NTRK1: variants seen among roughly 807,000 people sequenced by gnomAD.
NTRK1 encodes neurotrophic receptor tyrosine kinase 1, also known as high affinity nerve growth factor receptor.
In NTRK1, 62 loss-of-function variants were observed where a neutral mutation model predicts 86.8. That is an observed-to-expected ratio of 0.71 (90% CI 0.58 to 0.88). The LOEUF is 0.88. Among genes scored for constraint, NTRK1 ranks in the 40% least tolerant of loss-of-function variants. NTRK1 has a pLI of 0.00. For missense variants in NTRK1, 967 were observed against 1,078.4 expected, an observed-to-expected ratio of 0.90 and a Z score of 1.45; for synonymous variants, 469 against 456.6, an observed-to-expected ratio of 1.03 and a Z score of -0.35.
At chr1:156,869,331 G>A (rs758958531) in intron 6 of NTRK1, among the ~76,000 whole-genome samples, 20 of 152,036 alleles carry the variant, frequency 1.3e-4, no homozygotes, top group Non-Finnish European at 1.9e-4. Context: ...ACCCACCTCG[G>A]CCTCCCAAAG....
chr1:156,861,218 G>A (rs1428796872), intron 1 of NTRK1, 72 bp downstream of exon 1: 5 of 1,492,878 alleles, frequency 3.3e-6, no homozygotes, highest in Non-Finnish European at 4.5e-6. Flanking sequence ...GCGCGGACTC[G>A]CTGCTTGTTT....
In NTRK1 at chr1:156,875,805, C is replaced by G. The variant is rs903414132; in HGVS notation, c.1501+139C>G. ...TCCCCAGCCCTATTCCAGCCATAGGCCCTGTCATATTCTTCTCAGGCTGAG... is the reference window on the plus strand; with the variant it reads ...TCCCCAGCCCTATTCCAGCCATAGGGCCTGTCATATTCTTCTCAGGCTGAG... On this transcript the variant is annotated intron_variant, in intron 12 of 16. Coordinates refer to ENST00000524377, the MANE Select transcript of NTRK1 (RefSeq NM_002529.4). The G allele has an allele frequency of 5.4e-6, 7 of 1,304,328 alleles. No homozygotes were observed. The African/African-American group carries it at 1.0e-4, about 19-fold the overall frequency. The allele number at this position is 1,304,328 out of a possible 1,614,324, so 80.8% of individuals were successfully genotyped here. A position where few individuals can be genotyped will look rare whatever the true frequency, so the allele number is the denominator to read the frequency against.
At chr1:156,851,536 T>C (rs1465920133) in intron 2 of NTRK1, 1 of 1,601,992 alleles carries the variant, frequency 6.2e-7, no homozygotes, top group African/African-American at 1.3e-5. Flanking sequence ...CCCTCAGGAC[T>C]GGGACCCAGG....
At chr1:156,853,918 C>T in intron 2 of NTRK1, 1 of 1,614,148 alleles carries the variant, frequency 6.2e-7, no homozygotes, top group Non-Finnish European at 8.5e-7. Context: ...CTGGCTGCAG[C>T]AGTCCCCAGT....
chr1:156,849,694 T>TG (rs1655136722), intron 2 of NTRK1, among the ~76,000 whole-genome samples: 1 of 152,090 alleles, frequency 6.6e-6, no homozygotes, highest in African/African-American at 2.4e-5. Flanking sequence ...ATCAGTGAAA[T>TG]GGGGTCCTCA....
At chr1:156,845,141 T>A (rs1430511555) in intron 2 of NTRK1, 1 of 1,611,996 alleles carries the variant, frequency 6.2e-7, no homozygotes, top group African/African-American at 1.3e-5. Flanking sequence ...CGCCGCGTGG[T>A]TGCAGGCATG....
chr1:156,849,509 G>A (rs746834062), intron 2 of NTRK1: 2 of 1,105,738 alleles, frequency 1.8e-6, no homozygotes, highest in South Asian at 2.5e-5. Flanking sequence ...GGGGCAGGGG[G>A]TGGGAAAGGG....
chr1:156,816,069 G>C, intron 1 of NTRK1: 1 of 1,614,042 alleles, frequency 6.2e-7, no homozygotes, highest in Non-Finnish European at 8.5e-7. Flanking sequence ...AGGTGCTGAA[G>C]GTTGGGATGG....
chr1:156,874,785 A>T (rs556499641), intron 10 of NTRK1, 121 bp from the exon 11 acceptor site: 5 of 1,167,488 alleles, frequency 4.3e-6, no homozygotes, highest in Non-Finnish European at 6.4e-6. Flanking sequence ...CCAGGGGAGG[A>T]TGAGGCAGGT....
At chr1:156,844,635 C>T (rs569755213) in intron 2 of NTRK1, 10 of 1,613,946 alleles carry the variant, frequency 6.2e-6, no homozygotes, top group African/African-American at 5.3e-5. Context: ...CTGAGAGTAA[C>T]GCAGAACAGC....
At chr1:156,841,261 AG>A (rs1386360562) in intron 1 of NTRK1, 39 of 936,560 alleles carry the variant, frequency 4.2e-5, no homozygotes, top group South Asian at 2.2e-4. Flanking sequence ...GGTTTGGGAT[AG>A]GGGGGTGGCG....
rs1201894400 is a variant in NTRK1 at position 156,827,904 on chromosome 1, TA to T, written c.-64+12070del. Among the ~76,000 whole-genome samples the T allele has an allele frequency of 1.3e-4, 20 of 152,178 alleles. 2 individuals carry two copies. The highest frequency in any genetic ancestry group is 1.3e-3 in the Admixed American group (20 of 15,274). On this transcript the variant is annotated intron_variant, in intron 1 of 16. Coordinates refer to the NTRK1 transcript ENST00000392302. ...TGAATTTATAATGAGCCAGGCCTGGTAAAATCATCCCTTGTTCTTATGAAGG... is the reference window on the plus strand; with the variant it reads ...TGAATTTATAATGAGCCAGGCCTGGTAAATCATCCCTTGTTCTTATGAAGG...
At chr1:156,858,140 T>C (rs182009788), upstream of NTRK1, among the ~76,000 whole-genome samples, 14 of 152,254 alleles carry the variant, frequency 9.2e-5, no homozygotes, top group East Asian at 2.7e-3. Context: ...GTCGGCAACA[T>C]TGCCTCCATT....
At chr1:156,864,661 G>T (rs2102885857) in intron 2 of NTRK1, 67 bp from the exon 3 acceptor site, 1 of 1,553,408 alleles carries the variant, frequency 6.4e-7, no homozygotes, top group Non-Finnish European at 8.9e-7. Flanking sequence ...GGCTGGGATG[G>T]GCAGGGAGGG....
chr1:156,868,350 G>A (rs1197428844), intron 5 of NTRK1, 101 bp downstream of exon 5: 29 of 1,543,660 alleles, frequency 1.9e-5, no homozygotes, highest in Admixed American at 3.8e-5. Context: ...CCTGGGGAAT[G>A]GGCACTGGCA....
chr1:156,877,191 A>G (rs896412945), intron 14 of NTRK1, among the ~76,000 whole-genome samples: 16 of 152,000 alleles, frequency 1.1e-4, no homozygotes, highest in South Asian at 6.2e-4. Flanking sequence ...TGGCTCTACA[A>G]TTTGTTCTTA....
chr1:156,869,683 G>A (rs1032186617), intron 6 of NTRK1, among the ~76,000 whole-genome samples: 2 of 152,206 alleles, frequency 1.3e-5, no homozygotes, highest in African/African-American at 2.4e-5. Flanking sequence ...GCCCCTGGGC[G>A]TTCTCTGGCC....
At chr1:156,860,709 C>T, upstream of NTRK1, 2 of 815,370 alleles carry the variant, frequency 2.5e-6, no homozygotes, top group Non-Finnish European at 3.4e-6. Context: ...AGAAGGCTGA[C>T]GCTGGGGGCC....
rs778004858 is a variant in NTRK1 at position 156,854,018 on chromosome 1, C to A, written c.51-10336C>A. 1 of 1,613,946 alleles carries A rather than the reference C, an allele frequency of 6.2e-7. No individual in the cohort carries two copies. Among genetic ancestry groups the A allele is most frequent in the Admixed American group, 1.7e-5 (1 of 60,024 alleles). On this transcript the variant is annotated intron_variant, in intron 2 of 16. Coordinates refer to the NTRK1 transcript ENST00000392302. The surrounding 1 kb of genome is among the most constrained non-coding windows in gnomAD (Gnocchi z 4.2). ...CCCAAGTGCAGGCAGTGCCACGTCA[C>A]GCAGATGTGGCATCTCAAAGATGAC...
Sources: allele counts gnomAD v4.1 joint callset (sites outside exome capture counted in the v4.1 genomes callset), GRCh38; gene constraint gnomAD v4.1.1; non-coding constraint Gnocchi (gnomAD v3.1); transcripts MANE v1.5; gene names NCBI Gene and HGNC (gene_info 2026-07-23, HGNC 2026-07-21).